Variants in BMP8A observed in about 807,000 individuals in gnomAD.
The protein encoded by BMP8A is bone morphogenetic protein 8a.
A neutral mutation model predicts 36.8 loss-of-function variants in BMP8A; 14 were observed. The ratio of observed to expected loss-of-function variants is 0.38; its 90% CI spans 0.25 to 0.60. The LOEUF (loss-of-function observed/expected upper bound fraction) is 0.60, where lower values mean the gene tolerates loss of function less well. BMP8A is among the 20% of genes least tolerant of loss of function. The pLI is 0.63. For synonymous variants in BMP8A, 120 were observed against 237.7 expected (o/e 0.50, Z 4.55); for missense variants, 267 against 551.1 (o/e 0.48, Z 5.16).
At position 39,522,472 on chromosome 1, in the gene BMP8A, T is replaced by G; in HGVS notation, c.938T>G (p.Leu313Arg). The G allele has an allele frequency of 6.2e-7, 1 of 1,613,832 alleles. No individual in the cohort carries two copies. Among genetic ancestry groups the G allele is most frequent in the Non-Finnish European group, 8.5e-7 (1 of 1,179,818 alleles). ...RHELYVSFQD[L>R]GWLDWVIAPQ... ...GAGCTCTACGTCAGCTTCCAGGACC[T>G]TGGCTGGCTGGTAATTGCTGACTCT... The change falls in exon 5 of 7, where the codon CTT (leucine) becomes CGT (arginine). Residue 313 changes from leucine to arginine, a missense_variant. Around this residue, in one of 7 missense-constraint regions of BMP8A, gnomAD observed 132 missense variants for 151.3 expected, o/e 0.87. Transcript: ENST00000331593.
At chr1:39,498,888 A>C (rs1645228992) in intron 1 of BMP8A, among the ~76,000 whole-genome samples, 1 of 152,076 alleles carries the variant, frequency 6.6e-6, no homozygotes, top group Admixed American at 6.5e-5. Context: ...ATGGAGTCAC[A>C]TGGGGACATG....
chr1:39,523,739 T>G, intron 6 of BMP8A: 11 of 1,303,842 alleles, frequency 8.4e-6, no homozygotes, highest in Non-Finnish European at 1.1e-5. Flanking sequence ...TCACTGGTGC[T>G]GCTCACCACT....
rs532078602 is a variant in BMP8A at position 39,525,758 on chromosome 1, A to G, written c.1169A>G (p.Lys390Arg). Residue 390 changes from lysine (K) to arginine (R), a missense_variant, in exon 7 of 7, where the codon AAG becomes AGG. Around this residue, in one of 7 missense-constraint regions of BMP8A, gnomAD observed 132 missense variants for 151.3 expected, o/e 0.87. Transcript: ENST00000331593. ...AGCAGCAACAACGTCATCCTGCGCA[A>G]GCACCGCAACATGGTGGTCAAGGCC... ...YDSSNNVILR[K>R]HRNMVVKACG... 6.2e-7 allele frequency: 1 copy of G among 1,614,214 alleles called. No homozygotes were observed. The highest frequency in any genetic ancestry group is 2.2e-5 in the East Asian group (1 of 44,884).
intron 3 of BMP8A, among the ~76,000 whole-genome samples, chr1:39,517,449 G>T (rs1645402112): frequency 6.6e-6 from 1 of 151,812 alleles, no homozygotes; most frequent in Non-Finnish European, 1.5e-5. Flanking sequence ...TCAAGTAGCT[G>T]GGATTACAGG....
Position 39,525,993 on chromosome 1 carries a change from C to A in BMP8A, c.*195C>A. 1 of 946,946 alleles carries A rather than the reference C, an allele frequency of 1.1e-6. No homozygotes were observed. The highest frequency in any genetic ancestry group is 1.5e-6 in the Non-Finnish European group (1 of 651,384). The allele number at this position is 946,946 out of a possible 1,614,324, so 58.7% of individuals were successfully genotyped here. Reference sequence around the variant, plus strand: ...TCCCCTGGGGTTTGTGGCTGTCACTCTGCCCGACACTTTGGTGGCCTAAGG... The same window carrying A: ...TCCCCTGGGGTTTGTGGCTGTCACTATGCCCGACACTTTGGTGGCCTAAGG... On this transcript the variant is annotated 3_prime_UTR_variant, in exon 7 of 7. Coordinates refer to ENST00000331593, the MANE Select transcript of BMP8A (RefSeq NM_181809.4).
At chr1:39,498,232 C>T (rs1401528671) in intron 1 of BMP8A, among the ~76,000 whole-genome samples, 2 of 152,226 alleles carry the variant, frequency 1.3e-5, no homozygotes, top group South Asian at 2.1e-4. Context: ...ATGGGGGCTC[C>T]TCCGGGCTGA....
chr1:39,523,466 G>T (rs1256286935), intron 6 of BMP8A: 4 of 1,266,598 alleles, frequency 3.2e-6, no homozygotes, highest in Non-Finnish European at 4.2e-6. Context: ...TGGGGGCTGT[G>T]TGATCTTAAC....
In BMP8A at chr1:39,516,006, A is replaced by T. The variant is rs1220282331; in HGVS notation, c.673+4102A>T. Reference sequence around the variant, plus strand: ...CCGTTTCCCACGGAAGATGAGGTGGATGCCGACCTCATCAATGCAGGCAAG... The same window carrying T: ...CCGTTTCCCACGGAAGATGAGGTGGTTGCCGACCTCATCAATGCAGGCAAG... On this transcript the variant is annotated intron_variant, in intron 3 of 6. Transcript: ENST00000331593. The T allele has an allele frequency of 1.5e-5, 18 of 1,224,576 alleles. 1 individual carries two copies. Among genetic ancestry groups the T allele is most frequent in the East Asian group, 5.2e-5 (2 of 38,372 alleles). The allele number at this position is 1,224,576 out of a possible 1,614,324, so 75.9% of individuals were successfully genotyped here.
intron 1 of BMP8A, among the ~76,000 whole-genome samples, chr1:39,495,226 C>A (rs1645195327): frequency 6.6e-6 from 1 of 152,218 alleles, no homozygotes; most frequent in Admixed American, 6.5e-5. Flanking sequence ...GGCCTGGTGC[C>A]CCTAGGGCCC....
chr1:39,503,661 C>A (rs748570359), intron 1 of BMP8A, among the ~76,000 whole-genome samples: 24 of 151,964 alleles, frequency 1.6e-4, no homozygotes, highest in Non-Finnish European at 3.4e-4. Flanking sequence ...ACTACAGGCA[C>A]ACACCACTAT....
At chr1:39,508,500 A>G (rs1372760750) in intron 1 of BMP8A, among the ~76,000 whole-genome samples, 1 of 152,216 alleles carries the variant, frequency 6.6e-6, no homozygotes, top group African/African-American at 2.4e-5. Flanking sequence ...GACTGATATC[A>G]CATAGGTTGC....
chr1:39,523,495 G>A lies in BMP8A; in HGVS notation c.1059+378G>A, dbSNP rs574754122. ...TCTTAACACACGGGCCCCCGAGTACGCTGGCAAGTCTGACCGCCTGTGATA... is the reference window on the plus strand; with the variant it reads ...TCTTAACACACGGGCCCCCGAGTACACTGGCAAGTCTGACCGCCTGTGATA... On this transcript the variant is annotated intron_variant, in intron 6 of 6. Coordinates refer to ENST00000331593, the MANE Select transcript of BMP8A (RefSeq NM_181809.4). 738 of 1,323,404 alleles carry A rather than the reference G, an allele frequency of 5.6e-4. 2 individuals are homozygous for A. The highest frequency in any genetic ancestry group is 6.9e-4 in the Non-Finnish European group (706 of 1,015,930). The allele number at this position is 1,323,404 out of a possible 1,614,324, so 82.0% of individuals were successfully genotyped here.
At position 39,527,822 on chromosome 1, in the gene BMP8A, T is replaced by C. The variant is rs1262025814; in HGVS notation, c.*2024T>C. Among the ~76,000 whole-genome samples the C allele has an allele frequency of 2.0e-5, 3 of 152,222 alleles. No homozygotes were observed. The highest frequency in any genetic ancestry group is 2.9e-5 in the Non-Finnish European group (2 of 68,032). On this transcript the variant is annotated 3_prime_UTR_variant, in exon 7 of 7. Coordinates refer to ENST00000331593, the MANE Select transcript of BMP8A (RefSeq NM_181809.4). ...GTCCCCTTTCTTATTCACGCTTCAG[T>C]TTCTCATCTGCAACATGAGGACATA...
chr1:39,515,710 C>T (rs1645389754), intron 3 of BMP8A: 1 of 1,576,222 alleles, frequency 6.3e-7, no homozygotes, highest in Non-Finnish European at 8.7e-7. Flanking sequence ...CCCCAGAAGA[C>T]ATCCACGTTC....
At position 39,527,243 on chromosome 1, in the gene BMP8A, G is replaced by A. The variant is rs183366120; in HGVS notation, c.*1445G>A. 6.8e-4 allele frequency among the ~76,000 whole-genome samples: 104 copies of A among 152,326 alleles called. 1 individual carries two copies. The highest frequency in any genetic ancestry group is 1.5e-3 in the South Asian group (7 of 4,822). On this transcript the variant is annotated 3_prime_UTR_variant, in exon 7 of 7. Coordinates refer to ENST00000331593, the MANE Select transcript of BMP8A (RefSeq NM_181809.4). ...ACAGGCAGTAATTAGGCTGAGTTGG[G>A]TGGGGAGGTTTGTCTCGGCCTCCAC... is the stretch of plus-strand genomic sequence containing the variant.
rs1237808125 is a variant in BMP8A, at chr1:39,527,158, C to T, written c.*1360C>T. ...AATTGGCGTCACCCTGGGTGCCCAC[C>T]AGCGCTGTCCTGTGTCTTGGGTCTG... On this transcript the variant is annotated 3_prime_UTR_variant, in exon 7 of 7. Transcript: ENST00000331593. 6.6e-6 allele frequency among the ~76,000 whole-genome samples: 1 copy of T among 152,158 alleles called. No homozygotes were observed. The highest frequency in any genetic ancestry group is 1.5e-5 in the Non-Finnish European group (1 of 68,030).
rs1364350411 is a variant in BMP8A, at chr1:39,523,059, G to C, written c.1001G>C (p.Cys334Ser). Residue 334 changes from cysteine to serine, a missense_variant, in exon 6 of 7, where the codon TGC (cysteine) becomes TCC (serine). By Grantham distance (112) the Cys-to-Ser change is moderately radical. Transcript: ENST00000331593. ...GYSAYYCEGE[C>S]SFPLDSCMNA... ...TCAGCCTATTACTGTGAGGGGGAGT[G>C]CTCCTTCCCGCTGGACTCCTGCATG... 1.2e-6 allele frequency: 2 copies of C among 1,613,776 alleles called. No individual in the cohort carries two copies. Among genetic ancestry groups the C allele is most frequent in the Non-Finnish European group, 1.7e-6 (2 of 1,179,882 alleles).
rs1413549612 is a variant in BMP8A at position 39,524,647 on chromosome 1, G to A, written c.1060-1002G>A. Among the ~76,000 whole-genome samples the A allele has an allele frequency of 2.0e-5, 3 of 152,148 alleles. No individual in the cohort carries two copies. The highest frequency in any genetic ancestry group is 4.4e-5 in the Non-Finnish European group (3 of 68,016). ...GGGTGAGCCAGGCCAGCTCCCGTAG[G>A]GCCTGGGGTTCCCTGGGAAGGAGGG... is the stretch of plus-strand genomic sequence containing the variant. On this transcript the variant is annotated intron_variant, in intron 6 of 6. Transcript: ENST00000331593. This position sits in a 1 kb window ranked among gnomAD's most constrained non-coding sequence, Gnocchi z 4.0.
intron 4 of BMP8A, 78 bp from the exon 5 acceptor site, chr1:39,522,325 A>AT (rs1645433584): frequency 7.4e-7 from 1 of 1,359,030 alleles, no homozygotes; most frequent in Admixed American, 2.2e-5. Context: ...TCATCAGGGC[A>AT]TCCCCCACCC....
Sources: allele counts gnomAD v4.1 joint callset (sites outside exome capture counted in the v4.1 genomes callset), GRCh38; gene constraint gnomAD v4.1.1; regional missense constraint gnomAD v4.1.1; non-coding constraint Gnocchi (gnomAD v3.1); transcripts MANE v1.5; gene names NCBI Gene and HGNC (gene_info 2026-07-23, HGNC 2026-07-21).